VIRMA: variants seen among roughly 807,000 people sequenced by gnomAD.
VIRMA encodes the protein protein virilizer homolog.
In VIRMA, 65 loss-of-function variants were observed where a neutral mutation model predicts 182.4. The ratio of observed to expected loss-of-function variants is 0.36; its 90% CI spans 0.29 to 0.44. The LOEUF (loss-of-function observed/expected upper bound fraction) is 0.44. VIRMA is among the 20% of genes least tolerant of loss of function. The pLI is 1.00. For missense variants in VIRMA, 1,752 were observed against 2,158.1 expected (o/e 0.81, Z 3.73); for synonymous variants, 709 against 743.1 (o/e 0.95, Z 0.75).
Position 94,492,680 on chromosome 8 carries a change from G to C in VIRMA, c.4780C>G (p.His1594Asp). The change falls in exon 21 of 24, where the codon CAC becomes GAC. Residue 1594 changes from histidine (H) to aspartate (D), a missense_variant. Coordinates refer to ENST00000297591, the MANE Select transcript of VIRMA (RefSeq NM_015496.5). ...GACGTTATAAAGGTCTCATGCTTGT[G>C]CTTCCCAAGTTTGAATCCTTTAGTA... Reference protein sequence around the residue: ...KTTKGFKLGKHKHETFITSSG... With the variant: ...KTTKGFKLGKDKHETFITSSG... The C allele has an allele frequency of 6.2e-7, 1 of 1,613,842 alleles. No homozygotes were observed. The highest frequency in any genetic ancestry group is 8.5e-7 in the Non-Finnish European group (1 of 1,179,868).
At chr8:94,551,813 C>G (rs2130408334) in intron 1 of VIRMA, among the ~76,000 whole-genome samples, 1 of 152,312 alleles carries the variant, frequency 6.6e-6, no homozygotes, top group Middle Eastern at 3.4e-3. Flanking sequence ...CAGCCTTGAA[C>G]TCCCAGGATC....
At position 94,511,014 on chromosome 8, in the gene VIRMA, A is replaced by C. The variant is rs543174837; in HGVS notation, c.3390+171T>G. ...AAAATTTATTTAAAATGTTACCCCCATATTTCCTCAATGACCAACTTGTTT... is the reference window on the plus strand; with the variant it reads ...AAAATTTATTTAAAATGTTACCCCCCTATTTCCTCAATGACCAACTTGTTT... On this transcript the variant is annotated intron_variant, in intron 13 of 23. Coordinates refer to ENST00000297591, the MANE Select transcript of VIRMA (RefSeq NM_015496.5). 194 of 1,409,704 alleles carry C rather than the reference A, an allele frequency of 1.4e-4. No individual in the cohort carries two copies. In the Middle Eastern group the frequency reaches 1.8e-3, roughly 13 times the overall value. 87.3% of individuals were successfully genotyped at this position (1,409,704 alleles called of 1,614,324 possible).
chr8:94,541,789 G>A (rs557249811), intron 2 of VIRMA, among the ~76,000 whole-genome samples: 1 of 152,248 alleles, frequency 6.6e-6, no homozygotes, highest in East Asian at 1.9e-4. Context: ...TGATCTACCT[G>A]CCTCAGCTTC....
intron 8 of VIRMA, 78 bp downstream of exon 8, chr8:94,526,145 T>TA: frequency 5.0e-6 from 6 of 1,193,732 alleles, no homozygotes; most frequent in Non-Finnish European, 7.1e-6. Context: ...TACAATCAGA[T>TA]AAAAAGCAAA....
intron 5 of VIRMA, chr8:94,534,489 T>C (rs904231095): frequency 3.7e-6 from 1 of 269,454 alleles, no homozygotes; most frequent in South Asian, 6.4e-5. Flanking sequence ...GACTAACAGA[T>C]AGCTATCTTG....
chr8:94,544,659 T>C (rs901693745), intron 1 of VIRMA, among the ~76,000 whole-genome samples: 13 of 77,996 alleles, frequency 1.7e-4, no homozygotes, highest in Middle Eastern at 6.9e-3. Context: ...AGCGACTCTG[T>C]CTCAAAAAAA....
At position 94,496,406 on chromosome 8, in the gene VIRMA, A is replaced by G; in HGVS notation, c.4305T>C (p.Ala1435=). The G allele has an allele frequency of 6.2e-7, 1 of 1,613,596 alleles. No individual in the cohort carries two copies. Among genetic ancestry groups the G allele is most frequent in the Non-Finnish European group, 8.5e-7 (1 of 1,179,560 alleles). Residue 1435 remains alanine (A), a synonymous_variant, in exon 18 of 24, where the codon GCT becomes GCC. Transcript: ENST00000297591. ...AHTSRTMSIN[A]AELKQLLQSK... ...TTTGTAGAAGCTGTTTTAACTCTGC[A>G]GCATTAATACTCATCGTCCGTGATG...
At chr8:94,498,788 A>C (rs1813874240) in intron 17 of VIRMA, 1 of 152,408 alleles carries the variant, frequency 6.6e-6, no homozygotes, top group Non-Finnish European at 1.5e-5. Flanking sequence ...TTTAAAATGA[A>C]AGCACTTGGC....
intron 15 of VIRMA, 90 bp downstream of exon 15, chr8:94,509,598 G>A (rs751401090): frequency 1.4e-6 from 2 of 1,381,826 alleles, no homozygotes; most frequent in Non-Finnish European, 2.0e-6. Flanking sequence ...TTCATTCACA[G>A]CCAAAATTTA....
Position 94,510,543 on chromosome 8 carries a change from C to A in VIRMA, c.3500G>T (p.Gly1167Val), listed in dbSNP as rs746445810. The A allele has an allele frequency of 6.2e-7, 1 of 1,614,002 alleles. No homozygotes were observed. The highest frequency in any genetic ancestry group is 2.2e-5 in the East Asian group (1 of 44,852). ...ATGTTGAATGGGCTGGCAGGTTGTG[C>A]CAGAGAAAGAGCGAACTATTTCTTG... Reference protein sequence around the residue: ...LLQEIVRSFSGTTCQPIQHML... With the variant: ...LLQEIVRSFSVTTCQPIQHML... The change falls in exon 14 of 24, where the codon GGC becomes GTC. Residue 1167 changes from glycine (G) to valine (V), a missense_variant. Gly to Val is a moderately radical substitution (Grantham distance 109, BLOSUM62 -3). This residue lies in a region of VIRMA where 777 missense variants were observed against 920.6 expected (regional missense o/e 0.84). Coordinates refer to ENST00000297591, the MANE Select transcript of VIRMA (RefSeq NM_015496.5).
chr8:94,523,130 A>G (rs1586091532), intron 8 of VIRMA, among the ~76,000 whole-genome samples: 2 of 152,332 alleles, frequency 1.3e-5, no homozygotes, highest in East Asian at 3.9e-4. Flanking sequence ...CAAATGTATT[A>G]TATTTGCATA....
Position 94,488,645 on chromosome 8 carries a change from T to C in VIRMA, c.*61A>G, listed in dbSNP as rs1813521132. 6.6e-7 allele frequency: 1 copy of C among 1,526,254 alleles called. No homozygotes were observed. The highest frequency in any genetic ancestry group is 9.0e-7 in the Non-Finnish European group (1 of 1,115,052). The allele number at this position is 1,526,254 out of a possible 1,614,324, so 94.5% of individuals were successfully genotyped here. ...CTAAGTCTAAATTGGTCCTTCAATG[T>C]CTTATTTTTATTGTCCTCGTGAAAT... On this transcript the variant is annotated 3_prime_UTR_variant, in exon 24 of 24. Transcript: ENST00000297591.
chr8:94,520,570 C>T lies in VIRMA; in HGVS notation c.2022-1094G>A, dbSNP rs115305983. On this transcript the variant is annotated intron_variant, in intron 8 of 23. Coordinates refer to ENST00000297591, the MANE Select transcript of VIRMA (RefSeq NM_015496.5). ...GACTTTTTTCTTACATCATTCCCTA[C>T]ACAATAATAGTATAACAACTATTTA... is the stretch of plus-strand genomic sequence containing the variant. Among the ~76,000 whole-genome samples the T allele has an allele frequency of 2.8e-4, 42 of 152,084 alleles. No individual in the cohort carries two copies. The East Asian group carries it at 7.5e-3, about 27-fold the overall frequency.
chr8:94,489,952 G>T lies in VIRMA; in HGVS notation c.5271C>A (p.Pro1757=). 4 of 1,613,470 alleles carry T rather than the reference G, an allele frequency of 2.5e-6. No homozygotes were observed. The highest frequency in any genetic ancestry group is 3.4e-6 in the Non-Finnish European group (4 of 1,179,818). ...AAGGATGTATACCTGTAGAACTAAGGGGTCGTAATGGTGGAAGAGGGCCTC... is the reference window on the plus strand; with the variant it reads ...AAGGATGTATACCTGTAGAACTAAGTGGTCGTAATGGTGGAAGAGGGCCTC... The part of the protein sequence containing the change: ...FNRGPLPPLR[P]LSSTGYRPSP... Residue 1757 remains proline (P), a synonymous_variant, in exon 23 of 24, where the codon CCC becomes CCA. Transcript: ENST00000297591.
intron 20 of VIRMA, among the ~76,000 whole-genome samples, chr8:94,493,467 GC>G (rs1813670976): frequency 5.9e-5 from 9 of 152,120 alleles, no homozygotes; most frequent in African/African-American, 1.7e-4. Flanking sequence ...AACAACATGT[GC>G]CTATCTAAAT....
rs746853649 is a variant in VIRMA at position 94,526,506 on chromosome 8, G to A, written c.1738C>T (p.Leu580Phe). ...GDHLAEKTSS[L>F]PNHSEPDHDT... ...TGATCAGGTTCACTGTGGTTAGGAA[G>A]AGATGAAGTCTTCTCTGCTAAATGG... is the stretch of plus-strand genomic sequence containing the variant. The change falls in exon 8 of 24, where the codon CTT becomes TTT. Residue 580 changes from leucine to phenylalanine, a missense_variant. Physicochemically the swap from Leu to Phe is conservative, Grantham distance 22 (BLOSUM62 0). Coordinates refer to ENST00000297591, the MANE Select transcript of VIRMA (RefSeq NM_015496.5). 9 of 1,613,372 alleles carry A rather than the reference G, an allele frequency of 5.6e-6. No individual in the cohort carries two copies. The South Asian group carries it at 9.9e-5, about 18-fold the overall frequency.
chr8:94,534,611 CTCT>C (rs967421921), intron 5 of VIRMA, among the ~76,000 whole-genome samples: 5 of 151,444 alleles, frequency 3.3e-5, no homozygotes, highest in South Asian at 2.1e-4. Flanking sequence ...CTCTTGCCTC[CTCT>C]TCTTTCTTTC....
chr8:94,488,739 A>G lies in VIRMA; in HGVS notation c.5406T>C (p.Gly1802=). Residue 1802 remains glycine, a synonymous_variant, in exon 24 of 24, where the codon GGT becomes GGC. Transcript: ENST00000297591. ...TAAAGGAGCGTACATGACGACCTCTACCACTGCCTCCACTAACAAACTTTC... is the reference window on the plus strand; with the variant it reads ...TAAAGGAGCGTACATGACGACCTCTGCCACTGCCTCCACTAACAAACTTTC... ...SRGKFVSGGS[G]RGRHVRSFTR is the part of the protein sequence containing the mutation. 6.2e-7 allele frequency: 1 copy of G among 1,614,192 alleles called. No individual in the cohort carries two copies. The highest frequency in any genetic ancestry group is 2.2e-5 in the East Asian group (1 of 44,882).
intron 16 of VIRMA, among the ~76,000 whole-genome samples, chr8:94,502,520 AGTAAAT>A (rs1563459040): frequency 2.6e-5 from 4 of 152,142 alleles, no homozygotes; most frequent in Admixed American, 2.6e-4. Context: ...GTAAAAAGAA[AGTAAAT>A]GTATGTAAAT....
Sources: allele counts gnomAD v4.1 joint callset (sites outside exome capture counted in the v4.1 genomes callset), GRCh38; gene constraint gnomAD v4.1.1; regional missense constraint gnomAD v4.1.1; transcripts MANE v1.5; gene names NCBI Gene and HGNC (gene_info 2026-07-23, HGNC 2026-07-21).